The following GSE1 variants were observed in gnomAD, a reference collection of about 807,000 sequenced individuals.
The protein encoded by GSE1 is genetic suppressor element 1.
In GSE1, 32 loss-of-function variants were observed where a neutral mutation model predicts 112.6. That is an observed-to-expected ratio of 0.28 (90% CI 0.21 to 0.38). The LOEUF (loss-of-function observed/expected upper bound fraction) is 0.38, where lower values mean the gene tolerates loss of function less well. Among genes scored for constraint, GSE1 ranks in the 10% least tolerant of loss-of-function variants. The pLI is 1.00. For missense variants in GSE1, 2,348 were observed against 1,699.2 expected (o/e 1.38, Z -6.71); for synonymous variants, 1,115 against 735.6 (o/e 1.52, Z -8.35).
chr16:85,434,200 C>T (rs74034721), intron 2 of GSE1, among the ~76,000 whole-genome samples: 1 of 152,188 alleles, frequency 6.6e-6, no homozygotes, highest in African/African-American at 2.4e-5. Flanking sequence ...CTGGGGACTG[C>T]AGCCTCATTT....
chr16:85,192,959 C>T (rs543407931), intron 1 of GSE1, among the ~76,000 whole-genome samples: 7 of 152,332 alleles, frequency 4.6e-5, no homozygotes, highest in East Asian at 1.9e-4. Context: ...CCCAACCTGG[C>T]GTCTGGCCGA....
In GSE1 at chr16:85,494,321, C is replaced by G. The variant is rs1396202614; in HGVS notation, c.2464+136678C>G. On this transcript the variant is annotated intron_variant, in intron 2 of 2. Coordinates refer to the GSE1 transcript ENST00000637419. ...GCTTGTGGCCGCTTCACTACAGTCT[C>G]TTCCTCTGGCTTTGAGTGTCTTCTT... Among the ~76,000 whole-genome samples, 3 of 152,230 alleles carry G rather than the reference C, an allele frequency of 2.0e-5. No homozygotes were observed. In the East Asian group the frequency reaches 5.8e-4, roughly 29 times the overall value.
chr16:85,370,617 CT>C (rs2047276144), intron 2 of GSE1, among the ~76,000 whole-genome samples: 1 of 5,054 alleles, frequency 2.0e-4, no homozygotes, highest in African/African-American at 3.3e-4. Context: ...CCCTCCTTCT[CT>C]CCCTCCCTCC....
intron 2 of GSE1, among the ~76,000 whole-genome samples, chr16:85,512,335 G>C (rs1426118714): frequency 5.3e-5 from 8 of 152,152 alleles, no homozygotes; most frequent in Admixed American, 2.6e-4. Context: ...AGGCACCCAG[G>C]ACAGCTGTCG....
At chr16:85,590,029 C>T (rs1043633913) in intron 1 of GSE1, among the ~76,000 whole-genome samples, 2 of 151,520 alleles carry the variant, frequency 1.3e-5, no homozygotes, top group Non-Finnish European at 2.9e-5. Flanking sequence ...GAACATGAGA[C>T]GTGAGTGTGA....
At chr16:85,302,328 A>G (rs571369184) in intron 1 of GSE1, among the ~76,000 whole-genome samples, 34 of 152,242 alleles carry the variant, frequency 2.2e-4, no homozygotes, top group African/African-American at 7.9e-4. Context: ...CCCACCTGCT[A>G]AGGGGCGACC....
intron 1 of GSE1, among the ~76,000 whole-genome samples, chr16:85,330,088 G>T (rs1275136420): frequency 6.6e-6 from 1 of 152,220 alleles, no homozygotes; most frequent in Non-Finnish European, 1.5e-5. Flanking sequence ...CAGGAGTGGG[G>T]AATGGGCAGA....
At chr16:85,177,714 G>A (rs999229253) in intron 1 of GSE1, among the ~76,000 whole-genome samples, 2 of 152,210 alleles carry the variant, frequency 1.3e-5, no homozygotes, top group African/African-American at 4.8e-5. Flanking sequence ...AAGAACGGGA[G>A]CATGACTTCA....
intron 1 of GSE1, among the ~76,000 whole-genome samples, chr16:85,247,249 T>C (rs1202013139): frequency 6.6e-6 from 1 of 152,174 alleles, no homozygotes; most frequent in Non-Finnish European, 1.5e-5. Flanking sequence ...CCATGCTCTG[T>C]CCCCAGCACC....
chr16:85,180,813 GA>G (rs2074567886), intron 1 of GSE1, among the ~76,000 whole-genome samples: 1 of 152,196 alleles, frequency 6.6e-6, no homozygotes, highest in Non-Finnish European at 1.5e-5. Flanking sequence ...CCTCCCTGGA[GA>G]AGGGGTATCC....
Position 85,674,082 on chromosome 16 carries a change from C to G in GSE1, c.*1543C>G, listed in dbSNP as rs2053547337. On this transcript the variant is annotated 3_prime_UTR_variant, in exon 16 of 16. Transcript: ENST00000253458. ...CAGTGTTTAGATCAAGAAGGCCTCT[C>G]TTGCTCCCAAGGGCCCTCACCAGAG... The G allele has an allele frequency of 6.6e-6, 1 of 152,304 alleles. No homozygotes were observed. Among genetic ancestry groups the G allele is most frequent in the Non-Finnish European group, 1.5e-5 (1 of 68,106 alleles). The allele number at this position is 152,304 out of a possible 1,614,324, so 9.4% of individuals were successfully genotyped here. A position where few individuals can be genotyped will look rare whatever the true frequency, so the allele number is the denominator to read the frequency against.
At chr16:85,360,757 G>A (rs1486063512) in intron 2 of GSE1, among the ~76,000 whole-genome samples, 1 of 151,852 alleles carries the variant, frequency 6.6e-6, no homozygotes, top group Admixed American at 6.6e-5. Flanking sequence ...ACATGGCATA[G>A]GCACGGGTGC....
At chr16:85,441,541 G>C (rs1319073643) in intron 2 of GSE1, among the ~76,000 whole-genome samples, 2 of 152,222 alleles carry the variant, frequency 1.3e-5, no homozygotes, top group African/African-American at 2.4e-5. Context: ...TGTAATCCCA[G>C]CTACTCAGGA....
chr16:85,661,149 A>C lies in GSE1; in HGVS notation c.1644A>C (p.Pro548=). 2 of 1,582,892 alleles carry C rather than the reference A, an allele frequency of 1.3e-6. No individual in the cohort carries two copies. Among genetic ancestry groups the C allele is most frequent in the Non-Finnish European group, 1.7e-6 (2 of 1,158,556 alleles). Residue 548 remains proline (P), a synonymous_variant, in exon 9 of 16, where the codon CCA becomes CCC. Transcript: ENST00000253458. ...AEHRPESTTR[P]GPNRHEPGGR... ...AAGGGTTGGTTTCACTCCCTAGGCC[A>C]GGACCAAACCGTCACGAGCCAGGTG... is the stretch of plus-strand genomic sequence containing the variant.
rs115569007 is a variant in GSE1, at chr16:85,537,683, G to A, written c.2465-96231G>A. Among the ~76,000 whole-genome samples the A allele has an allele frequency of 3.9e-3, 600 of 152,364 alleles. 3 individuals are homozygous for A. The highest frequency in any genetic ancestry group is 0.013 in the African/African-American group (529 of 41,580). Reference sequence around the variant, plus strand: ...TCGTACCTGGCCACTGACTTGTCCAGTCACTGTGTGTCTGCTGCATAGCTG... The same window carrying A: ...TCGTACCTGGCCACTGACTTGTCCAATCACTGTGTGTCTGCTGCATAGCTG... On this transcript the variant is annotated intron_variant, in intron 2 of 2. Transcript: ENST00000637419.
At chr16:85,363,754 C>T (rs1204430566) in intron 2 of GSE1, among the ~76,000 whole-genome samples, 1 of 151,724 alleles carries the variant, frequency 6.6e-6, no homozygotes, top group Non-Finnish European at 1.5e-5. Flanking sequence ...AAAGGAAAGC[C>T]AGCCTCTCCC....
chr16:85,530,225 T>C (rs1339394398), intron 2 of GSE1, among the ~76,000 whole-genome samples: 1 of 152,200 alleles, frequency 6.6e-6, no homozygotes, highest in Non-Finnish European at 1.5e-5. Context: ...CTAACGATAT[T>C]GATCAATCTC....
At chr16:85,534,043 C>G (rs1248460422) in intron 2 of GSE1, among the ~76,000 whole-genome samples, 1 of 152,112 alleles carries the variant, frequency 6.6e-6, no homozygotes, top group East Asian at 1.9e-4. Context: ...GGTATTCCTT[C>G]CCAATCATCT....
intron 1 of GSE1, among the ~76,000 whole-genome samples, chr16:85,626,819 A>T (rs771403489): frequency 2.6e-5 from 4 of 152,084 alleles, no homozygotes; most frequent in Non-Finnish European, 5.9e-5. Context: ...AAGCCCCTCC[A>T]GCCTCGTGGG....
Sources: gnomAD v4.1 joint callset for allele counts (sites outside exome capture counted in the v4.1 genomes callset) on GRCh38, gnomAD v4.1.1 for gene constraint, MANE v1.5 for transcripts, NCBI Gene and HGNC (gene_info 2026-07-23, HGNC 2026-07-21) for gene names.